Variants in DPP6 observed in about 807,000 individuals in gnomAD.
DPP6 encodes dipeptidyl peptidase like 6.
Under a neutral mutation model 122.6 loss-of-function variants are expected in DPP6, and 69 were observed. The observed-to-expected ratio is 0.56, with a 90% CI of 0.46 to 0.69. DPP6 has a LOEUF of 0.69. Among genes scored for constraint, DPP6 ranks in the 30% least tolerant of loss-of-function variants. The probability of loss-of-function intolerance (pLI) is 0.00; values close to 1 mark genes in which losing one functional copy is unlikely to be tolerated. For synonymous variants in DPP6, 418 were observed against 433.1 expected (o/e 0.97, Z 0.43); for missense variants, 928 against 1,116.9 (o/e 0.83, Z 2.41).
chr7:154,187,633 C>T (rs1447298061), intron 1 of DPP6, among the ~76,000 whole-genome samples: 3 of 152,108 alleles, frequency 2.0e-5, no homozygotes, highest in Admixed American at 6.6e-5. Flanking sequence ...GCCACAATCA[C>T]GAAGGGCAGT....
chr7:153,938,203 C>T (rs968949976), intron 1 of DPP6, among the ~76,000 whole-genome samples: 1 of 152,152 alleles, frequency 6.6e-6, no homozygotes, highest in Non-Finnish European at 1.5e-5. Context: ...TGATCTATTA[C>T]CTTTTCTGTC....
At chr7:153,888,509 C>T (rs1402657573) in intron 1 of DPP6, among the ~76,000 whole-genome samples, 3 of 152,212 alleles carry the variant, frequency 2.0e-5, no homozygotes, top group Non-Finnish European at 4.4e-5. Flanking sequence ...CCTGGGCGCG[C>T]CTGCTCTCGG....
intron 10 of DPP6, among the ~76,000 whole-genome samples, chr7:154,787,147 T>C (rs1797385358): frequency 6.6e-6 from 1 of 152,262 alleles, no homozygotes; most frequent in East Asian, 1.9e-4. Context: ...ACTTCCAGTG[T>C]TTTCTTAATA....
At chr7:154,408,274 T>G (rs569435437) in intron 1 of DPP6, among the ~76,000 whole-genome samples, 2 of 152,300 alleles carry the variant, frequency 1.3e-5, no homozygotes, top group South Asian at 4.2e-4. Flanking sequence ...AATGTGTAAA[T>G]ACAGTGTTTT....
intron 1 of DPP6, among the ~76,000 whole-genome samples, chr7:153,954,018 C>T (rs1802340914): frequency 6.6e-6 from 1 of 152,112 alleles, no homozygotes; most frequent in African/African-American, 2.4e-5. Context: ...CAGGGGAAGC[C>T]CACCCATATT....
At chr7:153,877,892 T>G in the DPP6 span, among the ~76,000 whole-genome samples, 1 of 109,174 alleles carries the variant, frequency 9.2e-6, no homozygotes, top group East Asian at 2.7e-4. Context: ...CCTGGATATA[T>G]TAAAAGGTTT....
chr7:153,896,135 A>G (rs1181500478), intron 1 of DPP6, among the ~76,000 whole-genome samples: 2 of 152,180 alleles, frequency 1.3e-5, no homozygotes, highest in Admixed American at 6.5e-5. Context: ...TCCCTCTCCT[A>G]CTGGACTAAT....
At chr7:154,399,484 A>G (rs753255497) in intron 1 of DPP6, among the ~76,000 whole-genome samples, 1 of 152,246 alleles carries the variant, frequency 6.6e-6, no homozygotes, top group Non-Finnish European at 1.5e-5. Context: ...ATTGTTGGAA[A>G]GATGAAATGA....
chr7:153,849,530 A>G, the DPP6 span, among the ~76,000 whole-genome samples: 21 of 152,186 alleles, frequency 1.4e-4, no homozygotes, highest in African/African-American at 2.4e-5. Context: ...TTTAAGAAAG[A>G]AGAACCGGTT....
chr7:153,831,589 A>T, the DPP6 span, among the ~76,000 whole-genome samples: 1 of 152,236 alleles, frequency 6.6e-6, no homozygotes, highest in Non-Finnish European at 1.5e-5. Context: ...GGCAAGTAAA[A>T]AGCAGCCACA....
In DPP6 at chr7:154,803,546, G is replaced by A. The variant is rs527931794; in HGVS notation, c.1408-318G>A. 2.2e-4 allele frequency among the ~76,000 whole-genome samples: 33 copies of A among 152,300 alleles called. 1 individual carries two copies. In the East Asian group the frequency reaches 6.2e-3, roughly 29 times the overall value. On this transcript the variant is annotated intron_variant, in intron 13 of 25. Coordinates refer to ENST00000377770, the MANE Select transcript of DPP6 (RefSeq NM_130797.4). Reference sequence around the variant, plus strand: ...TTTACAAATGAAAAAGGCCTATAAAGCATTGATTCTCCTCCTGAGATGCTT... The same window carrying A: ...TTTACAAATGAAAAAGGCCTATAAAACATTGATTCTCCTCCTGAGATGCTT...
chr7:154,091,782 G>A (rs1485396593), intron 1 of DPP6, among the ~76,000 whole-genome samples: 1 of 152,066 alleles, frequency 6.6e-6, no homozygotes, highest in Non-Finnish European at 1.5e-5. Context: ...TGTACCAGAT[G>A]AAGAGACCGG....
At chr7:154,866,759 C>A (rs550319571) in intron 17 of DPP6, among the ~76,000 whole-genome samples, 2 of 152,278 alleles carry the variant, frequency 1.3e-5, no homozygotes, top group Non-Finnish European at 1.5e-5. Context: ...CAAATGTGTC[C>A]AGCAACTTGC....
chr7:153,974,111 T>C (rs1376868035), intron 1 of DPP6, among the ~76,000 whole-genome samples: 1 of 152,148 alleles, frequency 6.6e-6, no homozygotes, highest in Admixed American at 6.5e-5. Flanking sequence ...AGCCTTTCTT[T>C]ATGAGAATCC....
intron 8 of DPP6, among the ~76,000 whole-genome samples, chr7:154,753,282 C>T (rs1041267239): frequency 6.6e-6 from 1 of 152,102 alleles, no homozygotes; most frequent in South Asian, 2.1e-4. Context: ...CGCTGGGGTA[C>T]AAAGGGTGCC....
upstream of DPP6, among the ~76,000 whole-genome samples, chr7:154,048,010 C>G (rs1800110569): frequency 7.2e-6 from 1 of 138,388 alleles, no homozygotes; most frequent in Admixed American, 7.1e-5. Flanking sequence ...TGCAGCTCAC[C>G]TGGCGATAAA....
At chr7:154,811,417 G>A (rs1445731694) in intron 16 of DPP6, among the ~76,000 whole-genome samples, 1 of 152,188 alleles carries the variant, frequency 6.6e-6, no homozygotes, top group Non-Finnish European at 1.5e-5. Flanking sequence ...AAATCTTAAA[G>A]GAGAAAGTGA....
At chr7:154,029,713 G>C (rs1799130368) in intron 1 of DPP6, among the ~76,000 whole-genome samples, 2 of 149,482 alleles carry the variant, frequency 1.3e-5, no homozygotes, top group Admixed American at 1.3e-4. Context: ...GGGCATGGTG[G>C]CGGGCGCCTG....
chr7:154,819,830 T>C lies in DPP6; in HGVS notation c.1666+12718T>C, dbSNP rs866365832. ...CCAGACACAAGGGAATGTAACATAATTGGCAAAAGACATGATTATAAAATG... is the reference window on the plus strand; with the variant it reads ...CCAGACACAAGGGAATGTAACATAACTGGCAAAAGACATGATTATAAAATG... On this transcript the variant is annotated intron_variant, in intron 16 of 25. Coordinates refer to ENST00000377770, the MANE Select transcript of DPP6 (RefSeq NM_130797.4). Among the ~76,000 whole-genome samples, 3 of 152,336 alleles carry C rather than the reference T, an allele frequency of 2.0e-5. No homozygotes were observed. The South Asian group carries it at 6.2e-4, about 32-fold the overall frequency.
Sources: allele counts gnomAD v4.1 joint callset (sites outside exome capture counted in the v4.1 genomes callset), GRCh38; gene constraint gnomAD v4.1.1; transcripts MANE v1.5; gene names NCBI Gene and HGNC (gene_info 2026-07-23, HGNC 2026-07-21).